GABRG2: variants seen among roughly 807,000 people sequenced by gnomAD.
GABRG2 encodes the protein gamma-aminobutyric acid type A receptor subunit gamma2, also known as gamma-aminobutyric acid receptor subunit gamma-2.
Under a neutral mutation model 56.4 loss-of-function variants are expected in GABRG2, and 16 were observed. That is an observed-to-expected ratio of 0.28 (90% CI 0.19 to 0.43). The LOEUF (loss-of-function observed/expected upper bound fraction) is 0.43. Among genes scored for constraint, GABRG2 ranks in the 20% least tolerant of loss-of-function variants. The probability of loss-of-function intolerance (pLI) is 1.00; values close to 1 mark genes in which losing one functional copy is unlikely to be tolerated. For missense variants in GABRG2, 327 were observed against 582.7 expected (o/e 0.56, Z 4.52); for synonymous variants, 208 against 205.5 (o/e 1.01, Z -0.10).
intron 1 of GABRG2, among the ~76,000 whole-genome samples, chr5:162,073,551 T>C (rs1394317026): frequency 1.3e-5 from 2 of 151,934 alleles, no homozygotes; most frequent in Non-Finnish European, 2.9e-5. Context: ...GAAGCAACGA[T>C]ACTCAATATT....
intron 8 of GABRG2, 112 bp from the exon 9 acceptor site, chr5:162,151,618 G>T: frequency 1.1e-6 from 1 of 900,456 alleles, no homozygotes; most frequent in Non-Finnish European, 1.7e-6. Flanking sequence ...TTCACTTACT[G>T]TGTTTTCAAA....
intron 1 of GABRG2, among the ~76,000 whole-genome samples, chr5:162,092,090 A>T (rs1413481640): frequency 4.6e-5 from 7 of 152,126 alleles, no homozygotes; most frequent in Non-Finnish European, 8.8e-5. Context: ...TAAACCAGTA[A>T]GATTTGGGTC....
chr5:162,142,365 A>T, intron 7 of GABRG2, 49 bp downstream of exon 7: 1 of 1,586,190 alleles, frequency 6.3e-7, no homozygotes, highest in Middle Eastern at 1.7e-4. Flanking sequence ...AGTACCAAAT[A>T]CAAGTAATTT....
chr5:162,140,161 C>T (rs17462459), intron 6 of GABRG2, among the ~76,000 whole-genome samples: 4,203 of 152,254 alleles, frequency 0.028, 103 homozygotes, highest in Non-Finnish European at 0.043. Context: ...AAATTTCTAT[C>T]TTCAAGTCTT....
intron 6 of GABRG2, among the ~76,000 whole-genome samples, chr5:162,124,624 T>A (rs1314341250): frequency 6.6e-6 from 1 of 151,784 alleles, no homozygotes; most frequent in Admixed American, 6.6e-5. Context: ...GCTGGTAGTG[T>A]TATTCTAATG....
At chr5:162,084,128 A>C (rs1759871732) in intron 1 of GABRG2, among the ~76,000 whole-genome samples, 1 of 151,836 alleles carries the variant, frequency 6.6e-6, no homozygotes, top group African/African-American at 2.4e-5. Flanking sequence ...GAGTGGCTAA[A>C]GACAAATTAG....
rs760834360 is a variant in GABRG2, at chr5:162,153,266, A to G, written c.1326A>G (p.Ile442Met). 1 of 1,614,070 alleles carries G rather than the reference A, an allele frequency of 6.2e-7. No individual in the cohort carries two copies. Reference protein sequence around the residue: ...CRTGAWRHGRIHIRIAKMDSY... With the variant: ...CRTGAWRHGRMHIRIAKMDSY... ...CAGGAGCTTGGAGACATGGGAGGATACATATCCGCATTGCCAAAATGGACT... is the reference window on the plus strand; with the variant it reads ...CAGGAGCTTGGAGACATGGGAGGATGCATATCCGCATTGCCAAAATGGACT... Residue 442 changes from isoleucine (I) to methionine (M), a missense_variant, in exon 10 of 10, where the codon ATA becomes ATG. By Grantham distance (10) the Ile-to-Met change is conservative. Coordinates refer to ENST00000639213, the MANE Select transcript of GABRG2 (RefSeq NM_198904.4).
At chr5:162,146,047 C>T (rs1469747700) in intron 7 of GABRG2, among the ~76,000 whole-genome samples, 2 of 151,328 alleles carry the variant, frequency 1.3e-5, no homozygotes, top group African/African-American at 4.9e-5. Flanking sequence ...TTAATCTTTA[C>T]TGGAGACTTA....
intron 6 of GABRG2, among the ~76,000 whole-genome samples, chr5:162,137,566 G>T (rs1044664742): frequency 2.0e-5 from 3 of 151,506 alleles, no homozygotes; most frequent in Admixed American, 1.3e-4. Flanking sequence ...AAAATTTAGG[G>T]TTTTTTTTCT....
chr5:162,075,756 A>G (rs1304891289), intron 1 of GABRG2, among the ~76,000 whole-genome samples: 1 of 152,156 alleles, frequency 6.6e-6, no homozygotes, highest in Non-Finnish European at 1.5e-5. Context: ...TGTCAGGAAA[A>G]AAAAATAAAA....
At chr5:162,125,193 A>C (rs1299868943) in intron 6 of GABRG2, among the ~76,000 whole-genome samples, 1 of 151,724 alleles carries the variant, frequency 6.6e-6, no homozygotes, top group Non-Finnish European at 1.5e-5. Context: ...AGATAAATCT[A>C]TTGCCTATTT....
At chr5:162,095,204 GA>G (rs1459751899) in intron 2 of GABRG2, among the ~76,000 whole-genome samples, 1 of 152,122 alleles carries the variant, frequency 6.6e-6, no homozygotes, top group African/African-American at 2.4e-5. Context: ...GAAAGATGGA[GA>G]AAAGCTAAGA....
intron 1 of GABRG2, among the ~76,000 whole-genome samples, chr5:162,074,225 A>G (rs143996501): frequency 1.1e-4 from 17 of 152,154 alleles, no homozygotes; most frequent in African/African-American, 4.1e-4. Context: ...ATGATATAAG[A>G]GCACAAACTA....
Position 162,137,873 on chromosome 5 carries a change from C to G in GABRG2, c.770-4291C>G, listed in dbSNP as rs545987996. 8.7e-4 allele frequency among the ~76,000 whole-genome samples: 132 copies of G among 152,076 alleles called. 2 individuals are homozygous for G. Among genetic ancestry groups the G allele is most frequent in the African/African-American group, 3.1e-3 (127 of 41,512 alleles). On this transcript the variant is annotated intron_variant, in intron 6 of 9. Transcript: ENST00000639213. ...CTCAAGGGATCCTCCCACCTCAGTC[C>G]CTGGAGTAGCTGGGACTACAGGTGC...
chr5:162,099,026 A>C (rs1238111116), intron 4 of GABRG2: 1 of 152,100 alleles, frequency 6.6e-6, no homozygotes, highest in Non-Finnish European at 1.5e-5. Flanking sequence ...TATTAAAATT[A>C]TTTATACATT....
At chr5:162,115,990 T>C (rs545753020) in intron 6 of GABRG2, among the ~76,000 whole-genome samples, 1 of 152,118 alleles carries the variant, frequency 6.6e-6, no homozygotes, top group African/African-American at 2.4e-5. Flanking sequence ...TGTAGAAAAG[T>C]TGACAGAGAG....
intron 9 of GABRG2, chr5:162,152,872 A>G (rs1765473096): frequency 1.6e-6 from 1 of 611,494 alleles, no homozygotes; most frequent in Non-Finnish European, 2.9e-6. Context: ...TATTAGCTTG[A>G]TGATATTATT....
At chr5:162,078,397 A>ATAT (rs1371312030) in intron 1 of GABRG2, among the ~76,000 whole-genome samples, 10 of 30,694 alleles carry the variant, frequency 3.3e-4, no homozygotes, top group African/African-American at 5.2e-4. Context: ...ATATATATAT[A>ATAT]TTTTTTTTTT....
At chr5:162,084,263 A>G (rs1388667236) in intron 1 of GABRG2, among the ~76,000 whole-genome samples, 1 of 149,076 alleles carries the variant, frequency 6.7e-6, no homozygotes, top group Non-Finnish European at 1.5e-5. Flanking sequence ...CTTAATTAAA[A>G]TTGTCTGTGT....
Sources: gnomAD v4.1 joint callset for allele counts (sites outside exome capture counted in the v4.1 genomes callset) on GRCh38, gnomAD v4.1.1 for gene constraint, MANE v1.5 for transcripts, NCBI Gene and HGNC (gene_info 2026-07-23, HGNC 2026-07-21) for gene names.